Variants in BNC2 observed in about 807,000 individuals in gnomAD.
BNC2 encodes zinc finger protein basonuclin-2.
Under a neutral mutation model 76.3 loss-of-function variants are expected in BNC2, and 20 were observed. The observed-to-expected ratio is 0.26, with a 90% confidence interval of 0.18 to 0.38. The LOEUF (loss-of-function observed/expected upper bound fraction) is 0.38. Ranked by LOEUF, BNC2 falls within the 10% of genes least tolerant of loss-of-function variation. The probability of loss-of-function intolerance (pLI) is 1.00; values close to 1 mark genes in which losing one functional copy is unlikely to be tolerated. For missense variants in BNC2, 1,382 were observed against 1,399.8 expected, an observed-to-expected ratio of 0.99 and a Z score of 0.20; for synonymous variants, 582 against 514.8, an observed-to-expected ratio of 1.13 and a Z score of -1.77.
At chr9:16,630,477 A>C (rs1162272100) in intron 3 of BNC2, among the ~76,000 whole-genome samples, 3 of 152,216 alleles carry the variant, frequency 2.0e-5, no homozygotes, top group Admixed American at 1.3e-4. Flanking sequence ...CTATTTTTAA[A>C]ATGAATACAA....
intron 3 of BNC2, among the ~76,000 whole-genome samples, chr9:16,635,732 C>T (rs984478088): frequency 2.6e-5 from 4 of 152,124 alleles, no homozygotes; most frequent in Non-Finnish European, 5.9e-5. Flanking sequence ...TTTCTAGATA[C>T]GATCTATAAT....
At chr9:16,490,338 TATTC>T (rs1004941352) in intron 5 of BNC2, among the ~76,000 whole-genome samples, 5 of 151,966 alleles carry the variant, frequency 3.3e-5, no homozygotes, top group African/African-American at 1.2e-4. Context: ...TGGAGAGACT[TATTC>T]ACCATCAAGA....
chr9:16,786,421 T>G (rs757191869), intron 1 of BNC2, among the ~76,000 whole-genome samples: 1 of 151,630 alleles, frequency 6.6e-6, no homozygotes, highest in African/African-American at 2.4e-5. Flanking sequence ...AAAGACCCAG[T>G]ACAGAAGAAA....
At chr9:16,641,191 C>T (rs1181711759) in intron 3 of BNC2, among the ~76,000 whole-genome samples, 1 of 152,086 alleles carries the variant, frequency 6.6e-6, no homozygotes, top group Non-Finnish European at 1.5e-5. Context: ...TTTTAAATCC[C>T]TGCACAAAAG....
At chr9:16,802,072 T>G (rs1211090095) in intron 1 of BNC2, among the ~76,000 whole-genome samples, 2 of 152,136 alleles carry the variant, frequency 1.3e-5, no homozygotes, top group Non-Finnish European at 2.9e-5. Context: ...ACGACTGTCT[T>G]CCACATTAGA....
At chr9:16,746,635 G>A (rs900862922) in intron 1 of BNC2, among the ~76,000 whole-genome samples, 2 of 150,594 alleles carry the variant, frequency 1.3e-5, no homozygotes, top group African/African-American at 4.9e-5. Flanking sequence ...AAAGTGCTGG[G>A]ATTGCAGGCG....
chr9:16,868,794 TTG>T (rs10529508), intron 1 of BNC2, among the ~76,000 whole-genome samples: 18,331 of 151,416 alleles, frequency 0.12, 1,457 homozygotes, highest in Admixed American at 0.2. Context: ...TCACAAGGGA[TTG>T]TGTGTGTGTG....
At chr9:16,847,740 T>C (rs1819024348) in intron 1 of BNC2, among the ~76,000 whole-genome samples, 2 of 152,158 alleles carry the variant, frequency 1.3e-5, no homozygotes, top group Admixed American at 1.3e-4. Context: ...ATGATCCAGT[T>C]AGGATCATTT....
chr9:16,442,513 T>C (rs1235232812), intron 5 of BNC2, among the ~76,000 whole-genome samples: 1 of 152,192 alleles, frequency 6.6e-6, no homozygotes, highest in Non-Finnish European at 1.5e-5. Context: ...ATTTATAGTT[T>C]TAAAATCAAA....
intron 1 of BNC2, among the ~76,000 whole-genome samples, chr9:16,785,538 T>C (rs1349845753): frequency 1.4e-5 from 2 of 146,582 alleles, no homozygotes; most frequent in Non-Finnish European, 3.0e-5. Flanking sequence ...GGGACTACAG[T>C]CCTGTACCAC....
rs1394862037 is a variant in BNC2, at chr9:16,416,445, C to T, written c.*2544G>A. 1 of 152,604 alleles carries T rather than the reference C, an allele frequency of 6.6e-6. No homozygotes were observed. Among genetic ancestry groups the T allele is most frequent in the Admixed American group, 6.5e-5 (1 of 15,270 alleles). 9.5% of individuals were successfully genotyped at this position (152,604 alleles called of 1,614,324 possible). On this transcript the variant is annotated 3_prime_UTR_variant, in exon 7 of 7. Coordinates refer to ENST00000380672, the MANE Select transcript of BNC2 (RefSeq NM_017637.6). ...TTCATTATTCTAGTTCAATCTTTCA[C>T]AAACATACTGTACAGAGTCTTATAT... is the stretch of plus-strand genomic sequence containing the variant.
intron 5 of BNC2, among the ~76,000 whole-genome samples, chr9:16,460,395 G>A (rs550703038): frequency 1.3e-5 from 2 of 152,166 alleles, no homozygotes; most frequent in South Asian, 4.2e-4. Context: ...GGCCAAGGCG[G>A]GTGGATTGCT....
chr9:16,631,043 G>C (rs889429959), intron 3 of BNC2, among the ~76,000 whole-genome samples: 6 of 152,070 alleles, frequency 3.9e-5, no homozygotes, highest in African/African-American at 1.4e-4. Flanking sequence ...CCGGCCTGGA[G>C]CTTTTCTTAA....
chr9:16,458,018 A>AG (rs1210943602), intron 5 of BNC2, among the ~76,000 whole-genome samples: 1 of 152,158 alleles, frequency 6.6e-6, no homozygotes, highest in Non-Finnish European at 1.5e-5. Flanking sequence ...GGTAGGTGGG[A>AG]GAAAGAGGTA....
At chr9:16,807,006 T>C (rs1239651683) in intron 1 of BNC2, among the ~76,000 whole-genome samples, 1 of 100,802 alleles carries the variant, frequency 9.9e-6, no homozygotes, top group African/African-American at 2.5e-5. Context: ...TCTACTTTCT[T>C]CTCTTTTTTT....
At chr9:16,789,533 G>A (rs1386651821) in intron 1 of BNC2, among the ~76,000 whole-genome samples, 1 of 152,060 alleles carries the variant, frequency 6.6e-6, no homozygotes, top group East Asian at 1.9e-4. Flanking sequence ...TCTCACCACT[G>A]TACCCTTCTT....
At chr9:16,590,084 C>G (rs1819882382) in intron 3 of BNC2, among the ~76,000 whole-genome samples, 1 of 151,890 alleles carries the variant, frequency 6.6e-6, no homozygotes, top group Non-Finnish European at 1.5e-5. Flanking sequence ...CATGGCAAAA[C>G]CCGGTCTCTA....
chr9:16,794,265 C>T (rs1817588993), intron 1 of BNC2, among the ~76,000 whole-genome samples: 1 of 152,206 alleles, frequency 6.6e-6, no homozygotes, highest in African/African-American at 2.4e-5. Flanking sequence ...CAGCAGACTT[C>T]CTCTTACAAA....
intron 3 of BNC2, among the ~76,000 whole-genome samples, chr9:16,681,901 G>T (rs1822832213): frequency 6.6e-6 from 1 of 152,086 alleles, no homozygotes. Flanking sequence ...GTTTTGAACA[G>T]ATCTTAACCT....
Sources: gnomAD v4.1 joint callset for allele counts (sites outside exome capture counted in the v4.1 genomes callset) on GRCh38, gnomAD v4.1.1 for gene constraint, MANE v1.5 for transcripts, NCBI Gene and HGNC (gene_info 2026-07-23, HGNC 2026-07-21) for gene names.